GHR: variants seen among roughly 807,000 people sequenced by gnomAD.
GHR encodes the protein growth hormone receptor, also known as GH receptor.
GHR carries 35 observed loss-of-function variants against 67.1 expected under a neutral mutation model. The observed-to-expected ratio is 0.52, with a 90% confidence interval of 0.40 to 0.69. The LOEUF (loss-of-function observed/expected upper bound fraction) is 0.69. GHR is among the 30% of genes least tolerant of loss of function. The pLI, the probability that GHR is intolerant of heterozygous loss-of-function variation, is 0.00. For synonymous variants in GHR, 272 were observed against 269.1 expected, an observed-to-expected ratio of 1.01 and a Z score of -0.10; for missense variants, 792 against 764.6, an observed-to-expected ratio of 1.04 and a Z score of -0.42.
intron 1 of GHR, among the ~76,000 whole-genome samples, chr5:42,476,681 C>T (rs1039116553): frequency 1.3e-5 from 2 of 152,104 alleles, no homozygotes; most frequent in Admixed American, 6.5e-5. Flanking sequence ...TTCTAAAGTT[C>T]CTTTCTGACA....
intron 1 of GHR, among the ~76,000 whole-genome samples, chr5:42,563,030 T>C (rs982008497): frequency 2.6e-5 from 4 of 152,238 alleles, no homozygotes; most frequent in Non-Finnish European, 5.9e-5. Flanking sequence ...GGTCATCTTC[T>C]ATTCAACTGA....
chr5:42,633,610 C>G (rs1168189508), intron 3 of GHR, among the ~76,000 whole-genome samples: 3 of 152,114 alleles, frequency 2.0e-5, no homozygotes, highest in Non-Finnish European at 4.4e-5. Flanking sequence ...ATACTCTGTT[C>G]TTGATTAATT....
rs536108535 is a variant in GHR at position 42,615,154 on chromosome 5, T to G, written c.71-13884T>G. Reference sequence around the variant, plus strand: ...AATACATACCTGCTTCCGACGAAATTTAAACATGGACTGTTAACAAGAATG... The same window carrying G: ...AATACATACCTGCTTCCGACGAAATGTAAACATGGACTGTTAACAAGAATG... On this transcript the variant is annotated intron_variant, in intron 2 of 9. Coordinates refer to ENST00000230882, the MANE Select transcript of GHR (RefSeq NM_000163.5). Among the ~76,000 whole-genome samples, 9 of 152,112 alleles carry G rather than the reference T, an allele frequency of 5.9e-5. No individual in the cohort carries two copies. The South Asian group carries it at 1.2e-3, about 21-fold the overall frequency.
At chr5:42,461,790 C>T (rs1744498292) in intron 1 of GHR, among the ~76,000 whole-genome samples, 1 of 152,196 alleles carries the variant, frequency 6.6e-6, no homozygotes, top group African/African-American at 2.4e-5. Context: ...AAAAAGTCCA[C>T]TGCATGAAGA....
At chr5:42,563,843 G>C (rs1014624930) in intron 1 of GHR, among the ~76,000 whole-genome samples, 1 of 152,018 alleles carries the variant, frequency 6.6e-6, no homozygotes, top group African/African-American at 2.4e-5. Flanking sequence ...TAAATATTTA[G>C]TTACCAACAG....
chr5:42,452,964 ACT>A (rs1009044331), intron 1 of GHR, among the ~76,000 whole-genome samples: 25 of 150,078 alleles, frequency 1.7e-4, no homozygotes, highest in Non-Finnish European at 3.0e-4. Context: ...GTTTTATAGA[ACT>A]CTGTTTTGTG....
At chr5:42,698,088 G>C (rs555429723) in intron 5 of GHR, among the ~76,000 whole-genome samples, 86 of 152,332 alleles carry the variant, frequency 5.6e-4, no homozygotes, top group African/African-American at 2.0e-3. Flanking sequence ...AAAGAGGAAA[G>C]GAGAGCAGGT....
intron 1 of GHR, among the ~76,000 whole-genome samples, chr5:42,558,421 A>G (rs190664992): frequency 6.6e-6 from 1 of 152,374 alleles, no homozygotes; most frequent in East Asian, 1.9e-4. Flanking sequence ...TATAAACCAT[A>G]AAATGTATAT....
intron 2 of GHR, among the ~76,000 whole-genome samples, chr5:42,582,796 G>T (rs1163769895): frequency 1.3e-5 from 2 of 152,206 alleles, no homozygotes; most frequent in African/African-American, 4.8e-5. Context: ...AGTTGCCCAC[G>T]GTGGAAGCCA....
rs1043530558 is a variant in GHR, at chr5:42,666,738, G to A, written c.137-22152G>A. On this transcript the variant is annotated intron_variant, in intron 3 of 9. Coordinates refer to ENST00000230882, the MANE Select transcript of GHR (RefSeq NM_000163.5). ...AACAGCATCTGTGAACTTATCAAAA[G>A]TGCAGTATTTCAGTTCACACCTACT... Among the ~76,000 whole-genome samples the A allele has an allele frequency of 3.3e-5, 5 of 152,250 alleles. No homozygotes were observed. In the East Asian group the frequency reaches 7.7e-4, roughly 24 times the overall value.
rs1265677746 is a variant in GHR, at chr5:42,577,957, A to G, written c.70+12013A>G. On this transcript the variant is annotated intron_variant, in intron 2 of 9. Coordinates refer to ENST00000230882, the MANE Select transcript of GHR (RefSeq NM_000163.5). ...ACGTTAAGTAAATTTCCTATACGATATACTTAATCAGAAAAATATTTTTGA... is the reference window on the plus strand; with the variant it reads ...ACGTTAAGTAAATTTCCTATACGATGTACTTAATCAGAAAAATATTTTTGA... Among the ~76,000 whole-genome samples the G allele has an allele frequency of 2.0e-5, 3 of 152,226 alleles. No homozygotes were observed. In the East Asian group the frequency reaches 5.8e-4, roughly 29 times the overall value.
At position 42,719,281 on chromosome 5, in the gene GHR, G is replaced by A. The variant is rs1480479890; in HGVS notation, c.1774G>A (p.Val592Ile). The A allele has an allele frequency of 3.7e-6, 6 of 1,614,180 alleles. No homozygotes were observed. Among genetic ancestry groups the A allele is most frequent in the Non-Finnish European group, 5.1e-6 (6 of 1,180,006 alleles). ...ACATGTTCCAGGTTCTGAGATGCCTGTCCCAGACTATACCTCCATTCATAT... is the reference window on the plus strand; with the variant it reads ...ACATGTTCCAGGTTCTGAGATGCCTATCCCAGACTATACCTCCATTCATAT... ...GEHVPGSEMP[V>I]PDYTSIHIVQ... The change falls in exon 10 of 10, where the codon GTC becomes ATC. Residue 592 changes from valine (V) to isoleucine (I), a missense_variant. By Grantham distance (29) the Val-to-Ile change is conservative. Coordinates refer to ENST00000230882, the MANE Select transcript of GHR (RefSeq NM_000163.5).
At chr5:42,579,151 T>TAGATAGATAG (rs1344860776) in intron 2 of GHR, among the ~76,000 whole-genome samples, 2 of 88,248 alleles carry the variant, frequency 2.3e-5, no homozygotes, top group East Asian at 2.7e-4. Flanking sequence ...GATAGATAGA[T>TAGATAGATAG]ATAGATAGAT....
rs149703678 is a variant in GHR, at chr5:42,488,449, G to A, written c.-12+64494G>A. Among the ~76,000 whole-genome samples, 669 of 152,210 alleles carry A rather than the reference G, an allele frequency of 4.4e-3. 4 individuals carry two copies. Among genetic ancestry groups the A allele is most frequent in the Middle Eastern group, 0.014 (4 of 294 alleles). Reference sequence around the variant, plus strand: ...GCGCACAATTACTGTATTCTTATTTGCTCTCTGAAATACAACACCTTATTC... The same window carrying A: ...GCGCACAATTACTGTATTCTTATTTACTCTCTGAAATACAACACCTTATTC... On this transcript the variant is annotated intron_variant, in intron 1 of 9. Transcript: ENST00000230882.
intron 3 of GHR, among the ~76,000 whole-genome samples, chr5:42,675,879 A>G (rs1209663085): frequency 6.6e-6 from 1 of 152,214 alleles, no homozygotes; most frequent in Non-Finnish European, 1.5e-5. Context: ...GATTCATCTT[A>G]TGGTAACTGG....
intron 1 of GHR, among the ~76,000 whole-genome samples, chr5:42,486,119 A>G (rs538309296): frequency 6.6e-5 from 10 of 152,324 alleles, no homozygotes; most frequent in African/African-American, 2.4e-4. Context: ...CTCCCAGGTG[A>G]TGGCAACACA....
At chr5:42,709,743 G>A (rs1185013999) in intron 6 of GHR, among the ~76,000 whole-genome samples, 1 of 152,100 alleles carries the variant, frequency 6.6e-6, no homozygotes, top group African/African-American at 2.4e-5. Context: ...ATAGAGTGGG[G>A]AAAAGTACCA....
In GHR at chr5:42,424,634, CT is replaced by C; in HGVS notation, c.-12+683del. 6.6e-7 allele frequency: 1 copy of C among 1,521,260 alleles called. No individual in the cohort carries two copies. The highest frequency in any genetic ancestry group is 8.8e-7 in the Non-Finnish European group (1 of 1,133,810). 94.2% of individuals were successfully genotyped at this position (1,521,260 alleles called of 1,614,324 possible). On this transcript the variant is annotated intron_variant, in intron 1 of 9. Transcript: ENST00000230882. The surrounding 1 kb of genome is among the most constrained non-coding windows in gnomAD (Gnocchi z 4.1). Reference sequence around the variant, plus strand: ...ATTGTGGCGAGCCGACCTCCCCCAGCTTTTGACACACTAGTGGTTGTAAAAT... The same window carrying C: ...ATTGTGGCGAGCCGACCTCCCCCAGCTTTGACACACTAGTGGTTGTAAAAT...
At chr5:42,609,998 T>C (rs1323831255) in intron 2 of GHR, among the ~76,000 whole-genome samples, 1 of 152,162 alleles carries the variant, frequency 6.6e-6, no homozygotes, top group African/African-American at 2.4e-5. Context: ...CCTTGACAGC[T>C]AAGGCTCTCA....
Sources: allele counts gnomAD v4.1 joint callset (sites outside exome capture counted in the v4.1 genomes callset), GRCh38; gene constraint gnomAD v4.1.1; non-coding constraint Gnocchi (gnomAD v3.1); transcripts MANE v1.5; gene names NCBI Gene and HGNC (gene_info 2026-07-23, HGNC 2026-07-21).